Variants in EIF3J observed in about 807,000 individuals in gnomAD.
EIF3J encodes eukaryotic translation initiation factor 3, subunit 1 (alpha, 35kD).
In EIF3J, 15 loss-of-function variants were observed where a neutral mutation model predicts 39.0. The ratio of observed to expected loss-of-function variants is 0.38; its 90% CI spans 0.26 to 0.59. The LOEUF (loss-of-function observed/expected upper bound fraction) is 0.59. Among genes scored for constraint, EIF3J ranks in the 20% least tolerant of loss-of-function variants. EIF3J has a pLI of 0.60. For synonymous variants in EIF3J, 98 were observed against 112.9 expected (o/e 0.87, Z 0.84); for missense variants, 226 against 308.6 (o/e 0.73, Z 2.00).
intron 2 of EIF3J, among the ~76,000 whole-genome samples, chr15:44,543,939 A>G (rs1214974833): frequency 6.6e-6 from 1 of 152,068 alleles, no homozygotes; most frequent in Non-Finnish European, 1.5e-5. Context: ...ACTGAAGAGC[A>G]TCAACATTAA....
At chr15:44,552,368 A>G (rs373765632) in intron 4 of EIF3J, among the ~76,000 whole-genome samples, 5 of 151,460 alleles carry the variant, frequency 3.3e-5, no homozygotes, top group African/African-American at 1.2e-4. Flanking sequence ...ATGCCTCAGC[A>G]TCCCAGGTTG....
chr15:44,548,381 C>T (rs990039146), intron 2 of EIF3J, among the ~76,000 whole-genome samples: 4 of 152,178 alleles, frequency 2.6e-5, no homozygotes, highest in Admixed American at 2.6e-4. Context: ...CGCCATTGCA[C>T]TCCAACCTGG....
At chr15:44,538,316 A>G (rs1327112229) in intron 2 of EIF3J, among the ~76,000 whole-genome samples, 1 of 151,586 alleles carries the variant, frequency 6.6e-6, no homozygotes, top group Admixed American at 6.6e-5. Context: ...CAGTAGTTAC[A>G]GAAGTCTCAA....
Position 44,537,615 on chromosome 15 carries a change from C to A in EIF3J, c.147+188C>A, listed in dbSNP as rs184191107. Among the ~76,000 whole-genome samples the A allele has an allele frequency of 1.1e-3, 170 of 152,324 alleles. 1 individual carries two copies. Among genetic ancestry groups the A allele is most frequent in the African/African-American group, 4.0e-3 (165 of 41,580 alleles). ...GCCGAAGACTGGCAGCGTGGCCTCC[C>A]GGACTCCCTCGCCGGTTGAGAGTCT... On this transcript the variant is annotated intron_variant, in intron 2 of 7. Coordinates refer to ENST00000261868, the MANE Select transcript of EIF3J (RefSeq NM_003758.4).
chr15:44,549,068 G>A (rs1163889695), intron 2 of EIF3J, among the ~76,000 whole-genome samples: 1 of 152,008 alleles, frequency 6.6e-6, no homozygotes, highest in African/African-American at 2.4e-5. Context: ...ATACATTCTA[G>A]AAGAAATTGT....
intron 6 of EIF3J, 149 bp downstream of exon 6, chr15:44,557,799 T>C (rs2082157657): frequency 4.0e-6 from 2 of 499,212 alleles, no homozygotes; most frequent in Admixed American, 4.5e-5. Context: ...AATGTTGTTC[T>C]GCAGATACAG....
chr15:44,544,866 TGGTGGTGCATAC>T (rs1188825772), intron 2 of EIF3J, among the ~76,000 whole-genome samples: 1 of 151,960 alleles, frequency 6.6e-6, no homozygotes, highest in East Asian at 1.9e-4. Context: ...TAGCTAGGCA[TGGTGGTGCATAC>T]CTGTAGTCCC....
Position 44,544,467 on chromosome 15 carries a change from G to T in EIF3J, c.148-6409G>T, listed in dbSNP as rs376941885. Among the ~76,000 whole-genome samples, 15 of 151,488 alleles carry T rather than the reference G, an allele frequency of 9.9e-5. No individual in the cohort carries two copies. In the East Asian group the frequency reaches 2.2e-3, roughly 23 times the overall value. On this transcript the variant is annotated intron_variant, in intron 2 of 7. Coordinates refer to ENST00000261868, the MANE Select transcript of EIF3J (RefSeq NM_003758.4). ...CACCTGTAATCCCAACACTTTGGGA[G>T]GCTGAGGTGGGTGGATCACCTGAGG...
chr15:44,560,919 G>C, intron 7 of EIF3J, 99 bp from the exon 8 acceptor site: 1 of 1,491,650 alleles, frequency 6.7e-7, no homozygotes, highest in Non-Finnish European at 9.0e-7. Context: ...GTGTTTCTGG[G>C]ACCAAAGGTT....
chr15:44,554,951 A>G (rs1205669028), intron 5 of EIF3J, among the ~76,000 whole-genome samples: 1 of 152,230 alleles, frequency 6.6e-6, no homozygotes, highest in African/African-American at 2.4e-5. Flanking sequence ...TATTTTTATC[A>G]GCTGGATGAA....
chr15:44,537,819 G>T (rs148042485), intron 2 of EIF3J, among the ~76,000 whole-genome samples: 1 of 152,226 alleles, frequency 6.6e-6, no homozygotes, highest in South Asian at 2.1e-4. Flanking sequence ...GTCTTTTCGA[G>T]CTCAAGTCAG....
chr15:44,547,223 A>C (rs1370424879), intron 2 of EIF3J, among the ~76,000 whole-genome samples: 3 of 152,076 alleles, frequency 2.0e-5, no homozygotes, highest in African/African-American at 4.8e-5. Context: ...GGCTCACCAC[A>C]GCCTCTGTCT....
At chr15:44,540,235 C>CTATATATATA (rs1158019805) in intron 2 of EIF3J, among the ~76,000 whole-genome samples, 2 of 76,260 alleles carry the variant, frequency 2.6e-5, no homozygotes, top group African/African-American at 1.1e-4. Context: ...CCGCGCCTGG[C>CTATATATATA]TATATATATA....
chr15:44,554,712 G>A (rs753368081), intron 5 of EIF3J, 45 bp downstream of exon 5: 23 of 1,301,058 alleles, frequency 1.8e-5, no homozygotes, highest in Non-Finnish European at 2.4e-5. Flanking sequence ...ACTGTTACAG[G>A]TGAAGACCCA....
intron 2 of EIF3J, among the ~76,000 whole-genome samples, chr15:44,539,206 A>G (rs2081987427): frequency 6.6e-6 from 1 of 150,892 alleles, no homozygotes; most frequent in Non-Finnish European, 1.5e-5. Flanking sequence ...TTGTATTTTT[A>G]GTAGAGACGG....
rs2081969768 is a variant in EIF3J at position 44,537,544 on chromosome 15, G to A, written c.147+117G>A. On this transcript the variant is annotated intron_variant, in intron 2 of 7. Coordinates refer to ENST00000261868, the MANE Select transcript of EIF3J (RefSeq NM_003758.4). ...GGCCGTGGGTCCAGGCGCGAGCATAGGGCCTGGCGGTGCTCTCTTCCCCTC... is the reference window on the plus strand; with the variant it reads ...GGCCGTGGGTCCAGGCGCGAGCATAAGGCCTGGCGGTGCTCTCTTCCCCTC... 8.4e-6 allele frequency: 9 copies of A among 1,077,114 alleles called. No homozygotes were observed. The South Asian group carries it at 1.5e-4, about 18-fold the overall frequency. The allele number at this position is 1,077,114 out of a possible 1,614,324, so 66.7% of individuals were successfully genotyped here. A position where few individuals can be genotyped will look rare whatever the true frequency, so the allele number is the denominator to read the frequency against.
intron 7 of EIF3J, chr15:44,560,555 C>T: frequency 2.0e-6 from 1 of 494,472 alleles, no homozygotes; most frequent in South Asian, 3.2e-5. Context: ...GGTTCAAATA[C>T]TAGCACTGCT....
intron 2 of EIF3J, among the ~76,000 whole-genome samples, chr15:44,538,406 GA>G (rs2081979363): frequency 6.6e-6 from 1 of 151,886 alleles, no homozygotes; most frequent in Non-Finnish European, 1.5e-5. Context: ...GTGTGAAATG[GA>G]AAATGATTTT....
chr15:44,552,567 CTT>C (rs200976026), intron 4 of EIF3J, among the ~76,000 whole-genome samples: 12 of 141,384 alleles, frequency 8.5e-5, no homozygotes, highest in African/African-American at 1.3e-4. Context: ...CTTTTCTTTT[CTT>C]TTTTTTTTTT....
Sources: allele counts gnomAD v4.1 joint callset (sites outside exome capture counted in the v4.1 genomes callset), GRCh38; gene constraint gnomAD v4.1.1; transcripts MANE v1.5; gene names NCBI Gene and HGNC (gene_info 2026-07-23, HGNC 2026-07-21).